Variants in TDP2 observed in about 807,000 individuals in gnomAD.
TDP2 encodes tyrosyl-DNA phosphodiesterase 2.
TDP2 carries 38 observed loss-of-function variants against 42.8 expected under a neutral mutation model. The observed-to-expected ratio is 0.89, with a 90% confidence interval of 0.68 to 1.16. TDP2 has a LOEUF of 1.16. Among genes scored for constraint, TDP2 ranks in the 50% most tolerant of loss-of-function variants. The pLI, the probability that TDP2 is intolerant of heterozygous loss-of-function variation, is 0.00. For synonymous variants in TDP2, 173 were observed against 150.6 expected (o/e 1.15, Z -1.09); for missense variants, 439 against 439.3 (o/e 1.00, Z 0.01).
At chr6:24,666,648 C>T (rs1254761530) in intron 1 of TDP2, 37 bp from the exon 2 acceptor site, 11 of 1,614,064 alleles carry the variant, frequency 6.8e-6, no homozygotes, top group Non-Finnish European at 9.3e-6. Context: ...GGTTTGTGCG[C>T]TCCACCGACC....
intron 2 of TDP2, among the ~76,000 whole-genome samples, chr6:24,664,034 G>C (rs17249575): frequency 6.6e-6 from 1 of 152,148 alleles, no homozygotes; most frequent in African/African-American, 2.4e-5. Flanking sequence ...AAACTTTAGG[G>C]GCATGATTTG....
At chr6:24,656,007 C>T (rs1468189197) in intron 4 of TDP2, among the ~76,000 whole-genome samples, 1 of 152,004 alleles carries the variant, frequency 6.6e-6, no homozygotes, top group Non-Finnish European at 1.5e-5. Context: ...GAACCAAAAG[C>T]CAAGGATCCC....
chr6:24,666,446 G>C (rs779392453), intron 2 of TDP2, 80 bp downstream of exon 2: 18 of 1,506,278 alleles, frequency 1.2e-5, no homozygotes, highest in South Asian at 1.0e-4. Context: ...CCAGCTCCAC[G>C]GCAGGTCCCA....
chr6:24,657,432 G>T (rs1471838555), intron 4 of TDP2, among the ~76,000 whole-genome samples: 1 of 151,424 alleles, frequency 6.6e-6, no homozygotes, highest in Non-Finnish European at 1.5e-5. Context: ...AATTACTCAG[G>T]GCAAAAAAAG....
chr6:24,657,738 G>C (rs1395242868), intron 4 of TDP2, 74 bp downstream of exon 4: 5 of 837,636 alleles, frequency 6.0e-6, no homozygotes, highest in Non-Finnish European at 9.2e-6. Flanking sequence ...TGTCCCAATA[G>C]ACCAACTTTG....
At chr6:24,666,108 C>T (rs1206164165) in intron 2 of TDP2, 3 of 1,543,396 alleles carry the variant, frequency 1.9e-6, no homozygotes, top group Non-Finnish European at 1.7e-6. Context: ...AAAATAACAA[C>T]AACAACAAAC....
In TDP2 at chr6:24,666,880, A is replaced by C. The variant is rs1582428512; in HGVS notation, c.-18T>G. ...AACTCCATCTTCCTGCCGCCTCTGC[A>C]CCGCCCCTTTAAGCGGAACAGGAGG... On this transcript the variant is annotated 5_prime_UTR_variant, in exon 1 of 7. Coordinates refer to ENST00000378198, the MANE Select transcript of TDP2 (RefSeq NM_016614.3). The C allele has an allele frequency of 6.2e-7, 1 of 1,612,282 alleles. No homozygotes were observed. Among genetic ancestry groups the C allele is most frequent in the Non-Finnish European group, 8.5e-7 (1 of 1,179,954 alleles).
intron 2 of TDP2, among the ~76,000 whole-genome samples, chr6:24,660,162 A>G (rs1003301461): frequency 2.1e-4 from 32 of 152,250 alleles, no homozygotes; most frequent in African/African-American, 7.5e-4. Flanking sequence ...TTAACATTTT[A>G]CTTAACATTT....
In TDP2 at chr6:24,658,711, G is replaced by T; in HGVS notation, c.275C>A (p.Thr92Lys). Residue 92 changes from threonine (T) to lysine (K), a missense_variant, in exon 3 of 7, where the codon ACA (threonine) becomes AAA (lysine). Transcript: ENST00000378198. ...KTYVDLTNEE[T>K]TDSTTSKISP... ...GATTTTAGAAGTGGTGGAATCAGTT[G>T]TTTCTTCATTGGTTAGGTCAACACT... The T allele has an allele frequency of 6.2e-7, 1 of 1,613,714 alleles. No homozygotes were observed. The highest frequency in any genetic ancestry group is 8.5e-7 in the Non-Finnish European group (1 of 1,179,776).
rs1014116175 is a variant in TDP2, at chr6:24,650,521, C to A, written c.*267G>T. ...GACAATGTGGTACCTGTTTGGAATC[C>A]AGCTGGCAGCTATAAGCACCGTTGA... On this transcript the variant is annotated 3_prime_UTR_variant, in exon 7 of 7. Coordinates refer to ENST00000378198, the MANE Select transcript of TDP2 (RefSeq NM_016614.3). 1 of 414,766 alleles carries A rather than the reference C, an allele frequency of 2.4e-6. No individual in the cohort carries two copies. Among genetic ancestry groups the A allele is most frequent in the South Asian group, 3.6e-5 (1 of 27,862 alleles). 25.7% of individuals were successfully genotyped at this position (414,766 alleles called of 1,614,324 possible).
chr6:24,655,459 CA>C (rs754415308), intron 4 of TDP2, among the ~76,000 whole-genome samples: 11 of 152,146 alleles, frequency 7.2e-5, no homozygotes, highest in East Asian at 5.8e-4. Context: ...AAAGGTACCA[CA>C]AAAGGTAAGG....
chr6:24,653,117 A>T lies in TDP2; in HGVS notation c.673T>A (p.Ser225Thr). The T allele has an allele frequency of 1.9e-6, 3 of 1,614,172 alleles. No homozygotes were observed. The highest frequency in any genetic ancestry group is 2.5e-6 in the Non-Finnish European group (3 of 1,180,026). Residue 225 changes from serine (S) to threonine (T), a missense_variant, in exon 6 of 7, where the codon TCC becomes ACC. Transcript: ENST00000378198. ...TGCCCTCTGGTGCTCTCCAAATGGG[A>T]TGTCATAAGGCAAAGCTCATTTCCT... ...VSGNELCLMT[S>T]HLESTRGHAA...
intron 5 of TDP2, among the ~76,000 whole-genome samples, chr6:24,653,768 C>A (rs1448339691): frequency 2.6e-5 from 4 of 152,240 alleles, no homozygotes; most frequent in African/African-American, 9.6e-5. Context: ...TTTGCCTCTC[C>A]ATGGCCCCTA....
In TDP2 at chr6:24,666,749, G is replaced by T. The variant is rs1276764084; in HGVS notation, c.114C>A (p.Cys38Ter). The T allele has an allele frequency of 6.2e-7, 1 of 1,614,116 alleles. No individual in the cohort carries two copies. Among genetic ancestry groups the T allele is most frequent in the African/African-American group, 1.3e-5 (1 of 74,952 alleles). ...LCVEFASVAS[C>*]DAAVAQCFLA... ...GGAAGCACTGAGCCACTGCGGCATC[G>T]CAGCTTGCGACCGAGGCAAACTCCA... The change falls in exon 1 of 7, where the codon TGC becomes TGA. Residue 38 changes from cysteine to a stop codon, truncating the protein, a stop_gained. Coordinates refer to ENST00000378198, the MANE Select transcript of TDP2 (RefSeq NM_016614.3). LOFTEE classifies it high-confidence loss of function.
At chr6:24,665,546 G>A (rs1481198285) in intron 2 of TDP2, among the ~76,000 whole-genome samples, 1 of 152,240 alleles carries the variant, frequency 6.6e-6, no homozygotes, top group East Asian at 1.9e-4. Context: ...CAATTTTACA[G>A]GTTGTACATA....
At position 24,650,925 on chromosome 6, in the gene TDP2, T is replaced by G. The variant is rs758067744; in HGVS notation, c.952A>C (p.Ile318Leu). Reference sequence around the variant, plus strand: ...TCTTCTGCTGCTGCTCTGAAAAATATTCGATCAAAACGAAGTTTACAAGCA... The same window carrying G: ...TCTTCTGCTGCTGCTCTGAAAAATAGTCGATCAAAACGAAGTTTACAAGCA... ...TAACKLRFDR[I>L]FFRAAAEEGH... The change falls in exon 7 of 7, where the codon ATA (isoleucine) becomes CTA (leucine). Residue 318 changes from isoleucine to leucine, a missense_variant. Ile to Leu is a conservative substitution (Grantham distance 5, BLOSUM62 2). Transcript: ENST00000378198. 26 of 1,614,070 alleles carry G rather than the reference T, an allele frequency of 1.6e-5. No homozygotes were observed. In the African/African-American group the frequency reaches 3.2e-4, roughly 20 times the overall value.
Position 24,650,440 on chromosome 6 carries a change from T to A in TDP2, c.*348A>T. 1 of 211,124 alleles carries A rather than the reference T, an allele frequency of 4.7e-6. No individual in the cohort carries two copies. Among genetic ancestry groups the A allele is most frequent in the Non-Finnish European group, 9.5e-6 (1 of 105,616 alleles). 13.1% of individuals were successfully genotyped at this position (211,124 alleles called of 1,614,324 possible). On this transcript the variant is annotated 3_prime_UTR_variant, in exon 7 of 7. Transcript: ENST00000378198. ...TCTTATGTTTTCTTTTGAAGACTTA[T>A]TTCAAATATTAACTATTTCGGTGCC...
At position 24,650,625 on chromosome 6, in the gene TDP2, A is replaced by G. The variant is rs1217779174; in HGVS notation, c.*163T>C. 8.6e-6 allele frequency: 6 copies of G among 701,238 alleles called. No homozygotes were observed. In the South Asian group the frequency reaches 9.9e-5, roughly 12 times the overall value. 43.4% of individuals were successfully genotyped at this position (701,238 alleles called of 1,614,324 possible). A position where few individuals can be genotyped will look rare whatever the true frequency, so the allele number is the denominator to read the frequency against. The stretch of plus-strand genomic sequence containing the variant: ...CAGGAATGTGTTCGTTTAAATAAAC[A>G]TTAATCTTTAATGTTGAATTCTGAA... On this transcript the variant is annotated 3_prime_UTR_variant, in exon 7 of 7. Coordinates refer to ENST00000378198, the MANE Select transcript of TDP2 (RefSeq NM_016614.3).
In TDP2 at chr6:24,666,293, T is replaced by C. The variant is rs1355337401; in HGVS notation, c.251+233A>G. On this transcript the variant is annotated intron_variant, in intron 2 of 6. Coordinates refer to ENST00000378198, the MANE Select transcript of TDP2 (RefSeq NM_016614.3). ...TAAACATTACATTTCCATCTTTTCC[T>C]CCCTGGACCCCAAATCACGTTCGAA... 2.0e-6 allele frequency: 3 copies of C among 1,532,916 alleles called. No individual in the cohort carries two copies. In the Admixed American group the frequency reaches 6.2e-5, roughly 32 times the overall value. The allele number at this position is 1,532,916 out of a possible 1,614,324, so 95.0% of individuals were successfully genotyped here.
Sources: allele counts gnomAD v4.1 joint callset (sites outside exome capture counted in the v4.1 genomes callset), GRCh38; gene constraint gnomAD v4.1.1; transcripts MANE v1.5; gene names NCBI Gene and HGNC (gene_info 2026-07-23, HGNC 2026-07-21).